The following STAR variants were observed in gnomAD, a reference collection of about 807,000 sequenced individuals.
STAR encodes the protein steroidogenic acute regulatory protein, mitochondrial.
In STAR, 32 loss-of-function variants were observed where a neutral mutation model predicts 32.3. The observed-to-expected ratio is 0.99, with a 90% CI of 0.75 to 1.33. The LOEUF (loss-of-function observed/expected upper bound fraction) is 1.33, where lower values mean the gene tolerates loss of function less well. STAR is among the 40% of genes most tolerant of loss of function. The pLI is 0.00. For missense variants in STAR, 375 were observed against 379.0 expected, an observed-to-expected ratio of 0.99 and a Z score of 0.09; for synonymous variants, 134 against 140.5, an observed-to-expected ratio of 0.95 and a Z score of 0.33.
At chr8:38,145,806 C>T (rs1802558653) in intron 5 of STAR, 157 bp downstream of exon 5, 1 of 912,396 alleles carries the variant, frequency 1.1e-6, no homozygotes, top group Non-Finnish European at 1.7e-6. Context: ...TTGTCTTTGT[C>T]CCTCCTTTGG....
In STAR at chr8:38,143,867, T is replaced by G. The variant is rs1197035412; in HGVS notation, c.*406A>C. On this transcript the variant is annotated 3_prime_UTR_variant, in exon 7 of 7. Coordinates refer to ENST00000276449, the MANE Select transcript of STAR (RefSeq NM_000349.3). The stretch of plus-strand genomic sequence containing the variant: ...CCTCTGAGATTCTGCTTTGTGCACA[T>G]GTACTGCCAGCGCATGGCATTCTTG... 1 of 332,282 alleles carries G rather than the reference T, an allele frequency of 3.0e-6. No homozygotes were observed. The highest frequency in any genetic ancestry group is 5.9e-6 in the Non-Finnish European group (1 of 169,758). 20.6% of individuals were successfully genotyped at this position (332,282 alleles called of 1,614,324 possible). A position where few individuals can be genotyped will look rare whatever the true frequency, so the allele number is the denominator to read the frequency against.
chr8:38,146,778 A>AG, intron 3 of STAR, among the ~76,000 whole-genome samples: 2 of 29,904 alleles, frequency 6.7e-5, no homozygotes, highest in Non-Finnish European at 3.5e-4. Context: ...AAAAAAAAAA[A>AG]TTTTATATAT....
chr8:38,148,172 G>T, intron 3 of STAR, 28 bp downstream of exon 3: 2 of 1,613,476 alleles, frequency 1.2e-6, no homozygotes, highest in South Asian at 1.1e-5. Flanking sequence ...GAGCATGGAG[G>T]AACCACAGGC....
intron 1 of STAR, among the ~76,000 whole-genome samples, chr8:38,149,623 T>G (rs1483606746): frequency 6.6e-6 from 1 of 152,184 alleles, no homozygotes; most frequent in Non-Finnish European, 1.5e-5. Flanking sequence ...AAGACTTTCC[T>G]GTGTACCCCT....
chr8:38,148,350 A>G, intron 2 of STAR, 23 bp from the exon 3 acceptor site: 1 of 1,613,550 alleles, frequency 6.2e-7, no homozygotes, highest in South Asian at 1.1e-5. Flanking sequence ...CCGAGGAGAG[A>G]CAGAGCTTCC....
chr8:38,150,073 A>C (rs1365583906), intron 1 of STAR, among the ~76,000 whole-genome samples: 1 of 152,126 alleles, frequency 6.6e-6, no homozygotes, highest in African/African-American at 2.4e-5. Context: ...TGGGCAACAG[A>C]GTGAGACTCC....
rs183668052 is a variant in STAR, at chr8:38,145,947, C to T, written c.650+16G>A. 3.1e-6 allele frequency: 5 copies of T among 1,613,006 alleles called. No homozygotes were observed. In the African/African-American group the frequency reaches 5.3e-5, roughly 17 times the overall value. On this transcript the variant is annotated intron_variant, in intron 5 of 6. Transcript: ENST00000276449. The stretch of plus-strand genomic sequence containing the variant: ...GTGTTAGAAGAGGGGGGTTTGGAGC[C>T]TGCTGCCCGTATTACCTGATGACAC...
Position 38,148,694 on chromosome 8 carries a change from C to A in STAR, c.125G>T (p.Gly42Val), listed in dbSNP as rs750054831. ...GTTAATCCACGTGCTAGGGGTGGGG[C>A]CCCCCAGGGCCCTCCGGTTCAGCTC... ...SQELNRRALGGPTPSTWINQV... is the reference protein window; with the variant it reads ...SQELNRRALGVPTPSTWINQV... The change falls in exon 2 of 7, where the codon GGC (glycine) becomes GTC (valine). Residue 42 changes from glycine to valine, a missense_variant. Gly to Val is a moderately radical substitution (Grantham distance 109). Coordinates refer to ENST00000276449, the MANE Select transcript of STAR (RefSeq NM_000349.3). The A allele has an allele frequency of 5.6e-6, 9 of 1,613,722 alleles. No homozygotes were observed. In the South Asian group the frequency reaches 7.7e-5, roughly 14 times the overall value.
chr8:38,145,194 T>G, intron 6 of STAR, 28 bp downstream of exon 6: 1 of 1,613,978 alleles, frequency 6.2e-7, no homozygotes, highest in South Asian at 1.1e-5. Flanking sequence ...ACCACCTGCC[T>G]TCCAGGTCCC....
chr8:38,150,686 T>G (rs1353075384), intron 1 of STAR, 69 bp downstream of exon 1: 2 of 1,600,180 alleles, frequency 1.2e-6, no homozygotes, highest in Non-Finnish European at 1.7e-6. Context: ...AGGATCAGAA[T>G]TGGGTGGCCT....
chr8:38,144,999 A>G, intron 6 of STAR: 1 of 1,364,370 alleles, frequency 7.3e-7, no homozygotes. Context: ...ACAGAATGAA[A>G]CTGAGTCTCG....
At chr8:38,145,364 T>C in intron 5 of STAR, 49 bp from the exon 6 acceptor site, 1 of 1,612,810 alleles carries the variant, frequency 6.2e-7, no homozygotes, top group Non-Finnish European at 8.5e-7. Context: ...AGTTCTCTCT[T>C]GCACTGGCTG....
chr8:38,145,749 C>T, intron 5 of STAR: 1 of 641,556 alleles, frequency 1.6e-6, no homozygotes, highest in Non-Finnish European at 2.7e-6. Context: ...CTTAAACTTT[C>T]TGGGAGGGTC....
Position 38,144,310 on chromosome 8 carries a change from C to A in STAR, c.821G>T (p.Arg274Leu), listed in dbSNP as rs144981691. Reference sequence around the variant, plus strand: ...TTCAGAGGCAGGGTGGGACTCCAGGCGCTTGCGCAGGTGGTTGGCAAAATC... The same window carrying A: ...TTCAGAGGCAGGGTGGGACTCCAGGAGCTTGCGCAGGTGGTTGGCAAAATC... ...QVDFANHLRK[R>L]LESHPASEAR... The change falls in exon 7 of 7, where the codon CGC becomes CTC. Residue 274 changes from arginine to leucine, a missense_variant. Physicochemically the swap from Arg to Leu is moderately radical, Grantham distance 102. Transcript: ENST00000276449. 1 of 1,609,784 alleles carries A rather than the reference C, an allele frequency of 6.2e-7. No homozygotes were observed.
intron 1 of STAR, among the ~76,000 whole-genome samples, chr8:38,150,005 C>T (rs1446822938): frequency 1.3e-5 from 2 of 152,106 alleles, no homozygotes; most frequent in Non-Finnish European, 2.9e-5. Flanking sequence ...CCTGTAATCC[C>T]AGCTACCCAG....
chr8:38,147,019 A>T (rs1802587105), intron 3 of STAR, among the ~76,000 whole-genome samples: 1 of 148,324 alleles, frequency 6.7e-6, no homozygotes, highest in South Asian at 2.1e-4. Context: ...AGACCGTCTC[A>T]CTCTGTTGTC....
chr8:38,148,151 G>A (rs1413097564), intron 3 of STAR, 49 bp downstream of exon 3: 4 of 1,612,594 alleles, frequency 2.5e-6, no homozygotes, highest in South Asian at 1.1e-5. Context: ...CTGGCCTTGA[G>A]GATGGCAGTG....
chr8:38,142,725 T>C lies in STAR; in HGVS notation c.*1548A>G, dbSNP rs1366376271. ...GTATTTTTAGTAGAGATGGGGTTTC[T>C]CCATGTTAGTCAGGCTGGTCTCCTG... On this transcript the variant is annotated 3_prime_UTR_variant, in exon 7 of 7. Transcript: ENST00000276449. Among the ~76,000 whole-genome samples, 2 of 151,864 alleles carry C rather than the reference T, an allele frequency of 1.3e-5. No individual in the cohort carries two copies. The highest frequency in any genetic ancestry group is 2.9e-5 in the Non-Finnish European group (2 of 67,954).
chr8:38,149,031 C>CT lies in STAR; in HGVS notation c.65-278dup, dbSNP rs1390852217. 1.1e-5 allele frequency: 5 copies of CT among 469,096 alleles called. No homozygotes were observed. In the East Asian group the frequency reaches 2.1e-4, roughly 19 times the overall value. 29.1% of individuals were successfully genotyped at this position (469,096 alleles called of 1,614,324 possible). On this transcript the variant is annotated intron_variant, in intron 1 of 6. Transcript: ENST00000276449. ...CCAGAGCCTGCTGGAGTTTCTGTCT[C>CT]TAAAAGGGGAAAAAGCTGTGTTCAA... is the stretch of plus-strand genomic sequence containing the variant.
Sources: gnomAD v4.1 joint callset for allele counts (sites outside exome capture counted in the v4.1 genomes callset) on GRCh38, gnomAD v4.1.1 for gene constraint, MANE v1.5 for transcripts, NCBI Gene and HGNC (gene_info 2026-07-23, HGNC 2026-07-21) for gene names.